C13orf42: variants seen among roughly 807,000 people sequenced by gnomAD.
C13orf42 encodes the protein uncharacterized protein C13orf42.
chr13:51,131,388 A>C (rs543554500), intron 1 of C13orf42, among the ~76,000 whole-genome samples: 17 of 152,364 alleles, frequency 1.1e-4, no homozygotes, highest in Non-Finnish European at 2.4e-4. Flanking sequence ...AACTTGACTT[A>C]TAGATCCAAT....
chr13:51,152,370 T>C (rs1011791558), intron 1 of C13orf42, among the ~76,000 whole-genome samples: 3 of 152,216 alleles, frequency 2.0e-5, no homozygotes, highest in African/African-American at 7.2e-5. Context: ...TTTTAAGAGA[T>C]GGGGTCTCAC....
chr13:51,144,234 C>G (rs997617970), intron 1 of C13orf42, among the ~76,000 whole-genome samples: 9 of 152,120 alleles, frequency 5.9e-5, no homozygotes, highest in Non-Finnish European at 1.3e-4. Context: ...CTAAAATGTT[C>G]ATGAGTATCA....
At chr13:51,127,321 G>C (rs975125045) in intron 1 of C13orf42, among the ~76,000 whole-genome samples, 7 of 152,214 alleles carry the variant, frequency 4.6e-5, no homozygotes, top group African/African-American at 1.7e-4. Flanking sequence ...CCTGATGATA[G>C]CAACGAGGAG....
chr13:51,170,112 C>G (rs938321104), intron 1 of C13orf42, among the ~76,000 whole-genome samples: 1 of 152,120 alleles, frequency 6.6e-6, no homozygotes, highest in African/African-American at 2.4e-5. Flanking sequence ...GAGCACCTTG[C>G]GATCCCCACT....
intron 1 of C13orf42, among the ~76,000 whole-genome samples, chr13:51,164,097 C>T (rs1953887189): frequency 6.6e-6 from 1 of 152,178 alleles, no homozygotes; most frequent in Admixed American, 6.5e-5. Context: ...TACTTATCCA[C>T]CAAATCGCCA....
chr13:51,100,471 T>C (rs1953277564), intron 1 of C13orf42, among the ~76,000 whole-genome samples: 1 of 152,076 alleles, frequency 6.6e-6, no homozygotes, highest in South Asian at 2.1e-4. Context: ...AACAAAACTT[T>C]AATACAGCCA....
chr13:51,130,842 T>C (rs1953610866), intron 1 of C13orf42, among the ~76,000 whole-genome samples: 1 of 121,356 alleles, frequency 8.2e-6, no homozygotes, highest in African/African-American at 2.9e-5. Context: ...GAAAGTGAAA[T>C]GTGTTTTTGG....
Position 51,167,477 on chromosome 13 carries a change from A to C in C13orf42, n.136+4776T>G, listed in dbSNP as rs544853898. Among the ~76,000 whole-genome samples the C allele has an allele frequency of 4.5e-4, 68 of 152,334 alleles. 2 individuals are homozygous for C. In the Middle Eastern group the frequency reaches 0.02, roughly 46 times the overall value. On this transcript the variant is annotated intron_variant and non_coding_transcript_variant, in intron 1 of 4. Transcript: ENST00000433280. ...AAAGCCCATGACTCAAGGATTCCCCAGATCCCTCCCAAAAACAGAGCCTAA... is the reference window on the plus strand; with the variant it reads ...AAAGCCCATGACTCAAGGATTCCCCCGATCCCTCCCAAAAACAGAGCCTAA...
intron 1 of C13orf42, among the ~76,000 whole-genome samples, chr13:51,124,277 C>G (rs941243003): frequency 2.0e-5 from 3 of 152,132 alleles, no homozygotes; most frequent in African/African-American, 7.2e-5. Context: ...AAACCCTGAT[C>G]CCCAAGTTTC....
At chr13:51,139,141 A>AC (rs1953679041) in intron 1 of C13orf42, among the ~76,000 whole-genome samples, 1 of 151,766 alleles carries the variant, frequency 6.6e-6, no homozygotes, top group African/African-American at 2.4e-5. Flanking sequence ...GCATGGTGAA[A>AC]CCCCGTCTCT....
In C13orf42 at chr13:51,138,663, T is replaced by C. The variant is rs189774616; in HGVS notation, n.137-25441A>G. 2.1e-3 allele frequency among the ~76,000 whole-genome samples: 320 copies of C among 152,314 alleles called. 1 individual carries two copies. The highest frequency in any genetic ancestry group is 7.5e-3 in the African/African-American group (310 of 41,574). On this transcript the variant is annotated intron_variant and non_coding_transcript_variant, in intron 1 of 4. Coordinates refer to the C13orf42 transcript ENST00000433280. ...GAAATGCAAAATGGTATAGCTTCTA[T>C]GGAAAAAGTATGGAGATTCCTCAAA...
chr13:51,104,926 G>C (rs758265898), intron 1 of C13orf42, among the ~76,000 whole-genome samples: 4 of 152,206 alleles, frequency 2.6e-5, no homozygotes, highest in Non-Finnish European at 5.9e-5. Flanking sequence ...GGCACACACA[G>C]AGGCTGATGC....
At chr13:51,104,976 G>A (rs939691857) in intron 1 of C13orf42, among the ~76,000 whole-genome samples, 2 of 152,186 alleles carry the variant, frequency 1.3e-5, no homozygotes, top group Admixed American at 6.5e-5. Flanking sequence ...AAACTCCACA[G>A]GGAGCAATCG....
upstream of C13orf42, among the ~76,000 whole-genome samples, chr13:51,115,999 T>G (rs912723106): frequency 6.6e-6 from 1 of 151,596 alleles, no homozygotes; most frequent in South Asian, 2.1e-4. Flanking sequence ...CCTCCACATA[T>G]GAAGACCAAA....
intron 1 of C13orf42, among the ~76,000 whole-genome samples, chr13:51,122,354 T>C (rs1331085703): frequency 1.3e-5 from 2 of 151,666 alleles, no homozygotes; most frequent in African/African-American, 4.8e-5. Context: ...GCCAACATGG[T>C]GAAACCCTGT....
At chr13:51,153,621 GTTT>G (rs1202370498) in intron 1 of C13orf42, among the ~76,000 whole-genome samples, 2 of 82,034 alleles carry the variant, frequency 2.4e-5, no homozygotes, top group East Asian at 3.4e-4. Flanking sequence ...CTTGCTTTCT[GTTT>G]TTTTTCTTTT....
In C13orf42 at chr13:51,084,138, A is replaced by C; in HGVS notation, c.*13T>G. 1 of 398,730 alleles carries C rather than the reference A, an allele frequency of 2.5e-6. No homozygotes were observed. The highest frequency in any genetic ancestry group is 4.4e-6 in the Non-Finnish European group (1 of 226,116). The allele number at this position is 398,730 out of a possible 1,614,324, so 24.7% of individuals were successfully genotyped here. ...GGACCCAGTCTGAGACACGTCAAGG[A>C]ATCCAGATGGAGTCAGGGCACCGTC... On this transcript the variant is annotated 3_prime_UTR_variant, in exon 4 of 4. Coordinates refer to ENST00000563710, the MANE Select transcript of C13orf42 (RefSeq NM_001351589.3).
chr13:51,102,473 T>C lies in C13orf42; in HGVS notation c.414+8323A>G, dbSNP rs547581300. Among the ~76,000 whole-genome samples, 21 of 152,352 alleles carry C rather than the reference T, an allele frequency of 1.4e-4. No homozygotes were observed. The South Asian group carries it at 4.3e-3, about 32-fold the overall frequency. ...AAAATTATTCTGAAAGCTAACTATT[T>C]TCAGAATAAAACTATTTTCACTAAA... is the stretch of plus-strand genomic sequence containing the variant. On this transcript the variant is annotated intron_variant, in intron 1 of 3. Coordinates refer to ENST00000563710, the MANE Select transcript of C13orf42 (RefSeq NM_001351589.3).
At chr13:51,098,877 C>T (rs1049388700) in intron 1 of C13orf42, among the ~76,000 whole-genome samples, 2 of 151,784 alleles carry the variant, frequency 1.3e-5, no homozygotes, top group Non-Finnish European at 2.9e-5. Flanking sequence ...ACTCCACTTT[C>T]GATTTCTGTG....
Sources: allele counts gnomAD v4.1 joint callset (sites outside exome capture counted in the v4.1 genomes callset), GRCh38; gene constraint gnomAD v4.1.1; transcripts MANE v1.5; gene names NCBI Gene and HGNC (gene_info 2026-07-23, HGNC 2026-07-21).